Variants in KIAA2013 observed in about 807,000 individuals in gnomAD.
KIAA2013 encodes the protein KIAA2013.
In KIAA2013, 20 loss-of-function variants were observed where a neutral mutation model predicts 39.9. The ratio of observed to expected loss-of-function variants is 0.50; its 90% CI spans 0.35 to 0.73. The LOEUF is 0.73. Among genes scored for constraint, KIAA2013 ranks in the 30% least tolerant of loss-of-function variants. KIAA2013 has a pLI of 0.01. For synonymous variants in KIAA2013, 336 were observed against 416.6 expected, an observed-to-expected ratio of 0.81 and a Z score of 2.35; for missense variants, 587 against 856.1, an observed-to-expected ratio of 0.69 and a Z score of 3.92.
chr1:11,923,572 A>T lies in KIAA2013; in HGVS notation c.1034-83T>A. 7.1e-7 allele frequency: 1 copy of T among 1,405,464 alleles called. No individual in the cohort carries two copies. The highest frequency in any genetic ancestry group is 1.2e-5 in the South Asian group (1 of 80,462). The allele number at this position is 1,405,464 out of a possible 1,614,324, so 87.1% of individuals were successfully genotyped here. On this transcript the variant is annotated intron_variant, in intron 1 of 2. Transcript: ENST00000376572. This position sits in a 1 kb window ranked among gnomAD's most constrained non-coding sequence, Gnocchi z 4.6. ...ACGAAATAAAGACCAAGGGCAGCAG[A>T]AGAGTGAGGTGTTGTGCCTTAATGA...
In KIAA2013 at chr1:11,923,157, G is replaced by T. The variant is rs778300376; in HGVS notation, c.1366C>A (p.Leu456Ile). 84 of 1,613,234 alleles carry T rather than the reference G, an allele frequency of 5.2e-5. No individual in the cohort carries two copies. The highest frequency in any genetic ancestry group is 6.7e-5 in the Non-Finnish European group (79 of 1,179,668). The change falls in exon 2 of 3, where the codon CTC becomes ATC. Residue 456 changes from leucine to isoleucine, a missense_variant. Leu to Ile is a conservative substitution (Grantham distance 5). Coordinates refer to ENST00000376572, the MANE Select transcript of KIAA2013 (RefSeq NM_138346.3). The surrounding 1 kb of genome is among the most constrained non-coding windows in gnomAD (Gnocchi z 4.6). ...GTGAACTGCAGCCCCCCAAAGCTGA[G>T]CACCATCCCCTGCAGGATGCCTGGG... ...GAPGILQGMV[L>I]SFGGLQFTEN...
rs1645463997 is a variant in KIAA2013 at position 11,919,768 on chromosome 1, C to A, written c.*547G>T. The A allele has an allele frequency of 6.2e-6, 1 of 160,750 alleles. No homozygotes were observed. The highest frequency in any genetic ancestry group is 1.4e-5 in the Non-Finnish European group (1 of 73,844). 10.0% of individuals were successfully genotyped at this position (160,750 alleles called of 1,614,324 possible). A position where few individuals can be genotyped will look rare whatever the true frequency, so the allele number is the denominator to read the frequency against. On this transcript the variant is annotated 3_prime_UTR_variant, in exon 3 of 3. Transcript: ENST00000376572. ...GCAAACCCGAGGATGACAGCACAACCCGCACCCTCCTACAGGCAGCAGCAC... is the reference window on the plus strand; with the variant it reads ...GCAAACCCGAGGATGACAGCACAACACGCACCCTCCTACAGGCAGCAGCAC...
chr1:11,920,799 G>A (rs1222656213), intron 2 of KIAA2013, among the ~76,000 whole-genome samples: 3 of 152,204 alleles, frequency 2.0e-5, no homozygotes. Flanking sequence ...CTTCGAACTT[G>A]AGGAACTCAG....
Position 11,925,609 on chromosome 1 carries a change from T to C in KIAA2013, c.629A>G (p.Asn210Ser). Residue 210 changes from asparagine to serine, a missense_variant, in exon 1 of 3, where the codon AAC becomes AGC. Coordinates refer to ENST00000376572, the MANE Select transcript of KIAA2013 (RefSeq NM_138346.3). The surrounding 1 kb of genome is among the most constrained non-coding windows in gnomAD (Gnocchi z 5.2). ...HVYLQRIQLN[N>S]PTERVAALQT... ...CAGCGCGGCCACGCGCTCCGTGGGG[T>C]TGTTGAGCTGGATGCGCTGCAGGTA... 6.2e-7 allele frequency: 1 copy of C among 1,609,724 alleles called. No individual in the cohort carries two copies. The highest frequency in any genetic ancestry group is 1.1e-5 in the South Asian group (1 of 90,776).
intron 1 of KIAA2013, among the ~76,000 whole-genome samples, chr1:11,924,294 G>T (rs184185272): frequency 6.9e-6 from 1 of 144,082 alleles, no homozygotes; most frequent in East Asian, 2.3e-4. Flanking sequence ...GTTTCGCCAC[G>T]TTGGCCAGGT....
chr1:11,921,556 T>A (rs56742408), intron 2 of KIAA2013, among the ~76,000 whole-genome samples: 1,721 of 151,772 alleles, frequency 0.011, 36 homozygotes, highest in African/African-American at 0.04. Flanking sequence ...ATTATTTATT[T>A]TTTATTTTTT....
rs1318548276 is a variant in KIAA2013, at chr1:11,920,094, G to A, written c.*221C>T. On this transcript the variant is annotated 3_prime_UTR_variant, in exon 3 of 3. Transcript: ENST00000376572. ...CCATACAGGTTCATTTTATTGAGTG[G>A]AAAGCTTACAAAAGGTCCACTGGCC... is the stretch of plus-strand genomic sequence containing the variant. 2 of 607,516 alleles carry A rather than the reference G, an allele frequency of 3.3e-6. No homozygotes were observed. The highest frequency in any genetic ancestry group is 5.9e-6 in the Non-Finnish European group (2 of 339,794). 37.6% of individuals were successfully genotyped at this position (607,516 alleles called of 1,614,324 possible).
In KIAA2013 at chr1:11,925,603, G is replaced by A. The variant is rs1166938894; in HGVS notation, c.635C>T (p.Thr212Met). 3.7e-6 allele frequency: 6 copies of A among 1,609,728 alleles called. No individual in the cohort carries two copies. The East Asian group carries it at 1.3e-4, about 36-fold the overall frequency. Residue 212 changes from threonine to methionine, a missense_variant, in exon 1 of 3, where the codon ACG (threonine) becomes ATG (methionine). Thr to Met is a moderately conservative substitution (Grantham distance 81). Transcript: ENST00000376572. This position sits in a 1 kb window ranked among gnomAD's most constrained non-coding sequence, Gnocchi z 5.2. ...AGTCTGCAGCGCGGCCACGCGCTCC[G>A]TGGGGTTGTTGAGCTGGATGCGCTG... is the stretch of plus-strand genomic sequence containing the variant. ...YLQRIQLNNP[T>M]ERVAALQTVG...
rs1279730550 is a variant in KIAA2013 at position 11,925,357 on chromosome 1, G to C, written c.881C>G (p.Pro294Arg). 1.9e-6 allele frequency: 3 copies of C among 1,613,930 alleles called. 1 individual carries two copies. The South Asian group carries it at 3.3e-5, about 18-fold the overall frequency. Residue 294 changes from proline to arginine, a missense_variant, in exon 1 of 3, where the codon CCC becomes CGC. Physicochemically the swap from Pro to Arg is moderately radical, Grantham distance 103. Transcript: ENST00000376572. The surrounding 1 kb of genome is among the most constrained non-coding windows in gnomAD (Gnocchi z 5.2). ...GCTTTTGAGCACCTGGGGGTTAATG[G>C]GGCCAGAGACGTGCACCACCCACAG... The part of the protein sequence containing the change: ...TVLWVVHVSG[P>R]INPQVLKSKA...
chr1:11,926,384 C>A lies in KIAA2013; in HGVS notation c.-147G>T. ...CGCAACCGCCGCAGCAGCCGCCACC[C>A]CTGCTTCCTCCTTCTTCTCGGTGGC... On this transcript the variant is annotated 5_prime_UTR_variant, in exon 1 of 3. Transcript: ENST00000376572. The A allele has an allele frequency of 5.4e-6, 1 of 186,222 alleles. No individual in the cohort carries two copies. Among genetic ancestry groups the A allele is most frequent in the South Asian group, 1.6e-4 (1 of 6,204 alleles). 11.5% of individuals were successfully genotyped at this position (186,222 alleles called of 1,614,324 possible).
At chr1:11,920,812 C>T (rs1179477579) in intron 2 of KIAA2013, among the ~76,000 whole-genome samples, 1 of 152,212 alleles carries the variant, frequency 6.6e-6, no homozygotes, top group Non-Finnish European at 1.5e-5. Flanking sequence ...GAACTCAGCC[C>T]TGTCTCCCAC....
intron 2 of KIAA2013, among the ~76,000 whole-genome samples, chr1:11,920,778 TTTTGA>T (rs1254400439): frequency 2.0e-5 from 3 of 152,194 alleles, no homozygotes; most frequent in African/African-American, 4.8e-5. Flanking sequence ...TTGATCTGAC[TTTTGA>T]TTTTTCTTCG....
intron 2 of KIAA2013, among the ~76,000 whole-genome samples, chr1:11,921,331 T>A (rs1164866358): frequency 6.6e-6 from 1 of 151,952 alleles, no homozygotes; most frequent in Non-Finnish European, 1.5e-5. Context: ...GGGGCAAACA[T>A]GTCTCAGGAA....
In KIAA2013 at chr1:11,926,324, C is replaced by G. The variant is rs1436461677; in HGVS notation, c.-87G>C. The G allele has an allele frequency of 1.7e-6, 1 of 602,170 alleles. No homozygotes were observed. The highest frequency in any genetic ancestry group is 2.1e-6 in the Non-Finnish European group (1 of 480,310). The allele number at this position is 602,170 out of a possible 1,614,324, so 37.3% of individuals were successfully genotyped here. On this transcript the variant is annotated 5_prime_UTR_variant, in exon 1 of 3. Coordinates refer to ENST00000376572, the MANE Select transcript of KIAA2013 (RefSeq NM_138346.3). ...GGCCCGGCCGCCCGCGCCTCACTGC[C>G]CGGCCCGGACCGCGGCGCCCACCCC...
chr1:11,922,464 G>A (rs1645479855), intron 2 of KIAA2013, 172 bp downstream of exon 2: 19 of 1,470,692 alleles, frequency 1.3e-5, no homozygotes, highest in Admixed American at 5.0e-5. Context: ...TCCCTTCCTC[G>A]TCGTCTCCTC....
rs1378937812 is a variant in KIAA2013, at chr1:11,923,885, T to C, written c.1034-396A>G. ...AGCTTTATGTATGTATGTATTTATTTGTTTATTGAGACAGAGTCTCACTGT... is the reference window on the plus strand; with the variant it reads ...AGCTTTATGTATGTATGTATTTATTCGTTTATTGAGACAGAGTCTCACTGT... On this transcript the variant is annotated intron_variant, in intron 1 of 2. Coordinates refer to ENST00000376572, the MANE Select transcript of KIAA2013 (RefSeq NM_138346.3). The surrounding 1 kb of genome is among the most constrained non-coding windows in gnomAD (Gnocchi z 4.6). Among the ~76,000 whole-genome samples the C allele has an allele frequency of 6.6e-6, 1 of 152,212 alleles. No homozygotes were observed. The highest frequency in any genetic ancestry group is 1.5e-5 in the Non-Finnish European group (1 of 68,050).
chr1:11,922,557 G>A (rs1223806149), intron 2 of KIAA2013, 79 bp downstream of exon 2: 7 of 1,570,934 alleles, frequency 4.5e-6, no homozygotes, highest in Admixed American at 3.8e-5. Flanking sequence ...ACCCCCCCTC[G>A]CCAGGCTAGC....
chr1:11,922,244 C>T, intron 2 of KIAA2013: 8 of 690,408 alleles, frequency 1.2e-5, no homozygotes, highest in Non-Finnish European at 6.2e-6. Flanking sequence ...AGCTAGAGTG[C>T]AATGACACAA....
Position 11,926,110 on chromosome 1 carries a change from G to A in KIAA2013, c.128C>T (p.Ala43Val). The A allele has an allele frequency of 1.4e-6, 2 of 1,405,126 alleles. No individual in the cohort carries two copies. Among genetic ancestry groups the A allele is most frequent in the South Asian group, 1.3e-5 (1 of 74,080 alleles). The allele number at this position is 1,405,126 out of a possible 1,614,324, so 87.0% of individuals were successfully genotyped here. A position where few individuals can be genotyped will look rare whatever the true frequency, so the allele number is the denominator to read the frequency against. ...LWFGGSGARR[A>V]AGGLHLLPWS... is the part of the protein sequence containing the mutation. ...GGGCAGCAGGTGCAGGCCGCCCGCC[G>A]CCCGCCGCGCGCCGGACCCCCCAAA... Residue 43 changes from alanine to valine, a missense_variant, in exon 1 of 3, where the codon GCG (alanine) becomes GTG (valine). Coordinates refer to ENST00000376572, the MANE Select transcript of KIAA2013 (RefSeq NM_138346.3).
Sources: allele counts gnomAD v4.1 joint callset (sites outside exome capture counted in the v4.1 genomes callset), GRCh38; gene constraint gnomAD v4.1.1; non-coding constraint Gnocchi (gnomAD v3.1); transcripts MANE v1.5; gene names NCBI Gene and HGNC (gene_info 2026-07-23, HGNC 2026-07-21).